TNN: variants seen among roughly 807,000 people sequenced by gnomAD.
TNN encodes tenascin-N.
A neutral mutation model predicts 134.4 loss-of-function variants in TNN; 122 were observed. That is an observed-to-expected ratio of 0.91 (90% CI 0.78 to 1.06). The LOEUF (loss-of-function observed/expected upper bound fraction) is 1.06. Among genes scored for constraint, TNN ranks in the 50% least tolerant of loss-of-function variants. The pLI is 0.00. For synonymous variants in TNN, 710 were observed against 670.3 expected, an observed-to-expected ratio of 1.06 and a Z score of -0.91; for missense variants, 1,739 against 1,699.4, an observed-to-expected ratio of 1.02 and a Z score of -0.41.
chr1:175,147,226 C>T lies in TNN; in HGVS notation c.*155C>T. 1.4e-6 allele frequency: 1 copy of T among 732,682 alleles called. No individual in the cohort carries two copies. Among genetic ancestry groups the T allele is most frequent in the Non-Finnish European group, 2.0e-6 (1 of 505,238 alleles). 45.4% of individuals were successfully genotyped at this position (732,682 alleles called of 1,614,324 possible). ...GCCATGGAGGTTCCTTCCCTCTCAC[C>T]TGCATTTTTGCCCGTCTTTATGAGG... On this transcript the variant is annotated 3_prime_UTR_variant, in exon 19 of 19. Transcript: ENST00000239462.
At chr1:175,085,184 G>A (rs981049324) in intron 5 of TNN, among the ~76,000 whole-genome samples, 1 of 152,224 alleles carries the variant, frequency 6.6e-6, no homozygotes, top group Non-Finnish European at 1.5e-5. Context: ...CTCATTTGCT[G>A]TGATGCCCTA....
chr1:175,099,223 A>G (rs117010710), intron 9 of TNN, among the ~76,000 whole-genome samples: 1 of 152,216 alleles, frequency 6.6e-6, no homozygotes, highest in East Asian at 1.9e-4. Context: ...TTTCTCTTGT[A>G]TTTTCTGCTG....
intron 5 of TNN, among the ~76,000 whole-genome samples, chr1:175,084,919 G>A (rs1294557907): frequency 6.6e-6 from 1 of 152,222 alleles, no homozygotes; most frequent in Non-Finnish European, 1.5e-5. Context: ...TTGAGCCCAG[G>A]AGGTTGAGGC....
chr1:175,079,798 T>G, intron 3 of TNN, 91 bp downstream of exon 3: 1 of 1,449,642 alleles, frequency 6.9e-7, no homozygotes, highest in South Asian at 1.4e-5. Context: ...TTTGGGGGTC[T>G]CTTCCTTTAG....
At chr1:175,144,206 A>G (rs1006446267) in intron 17 of TNN, among the ~76,000 whole-genome samples, 181 bp from the exon 18 acceptor site, 1 of 152,180 alleles carries the variant, frequency 6.6e-6, no homozygotes, top group African/African-American at 2.4e-5. Flanking sequence ...CAGGAAAGAC[A>G]GCTTGTTCCC....
At chr1:175,134,116 C>T (rs1390522007) in intron 15 of TNN, among the ~76,000 whole-genome samples, 1 of 152,228 alleles carries the variant, frequency 6.6e-6, no homozygotes, top group Non-Finnish European at 1.5e-5. Context: ...CTGAGACACA[C>T]TCTACCTTAA....
intron 4 of TNN, among the ~76,000 whole-genome samples, chr1:175,081,839 G>A (rs1368062837): frequency 1.3e-5 from 2 of 152,200 alleles, no homozygotes; most frequent in Non-Finnish European, 2.9e-5. Context: ...AGGAAGCAGG[G>A]ATTGGGTGCT....
At chr1:175,132,778 G>A (rs1675707093) in intron 15 of TNN, among the ~76,000 whole-genome samples, 1 of 152,336 alleles carries the variant, frequency 6.6e-6, no homozygotes, top group Admixed American at 6.5e-5. Context: ...GGAGCCTTCT[G>A]CATCCATGGT....
chr1:175,073,593 A>G (rs1334200847), intron 1 of TNN, among the ~76,000 whole-genome samples: 1 of 152,206 alleles, frequency 6.6e-6, no homozygotes, highest in Admixed American at 6.5e-5. Flanking sequence ...CCTGCAGAGA[A>G]GCTGGAGGGA....
intron 10 of TNN, 31 bp downstream of exon 10, chr1:175,117,236 A>G (rs761101111): frequency 1.9e-6 from 3 of 1,605,972 alleles, no homozygotes; most frequent in East Asian, 2.2e-5. Context: ...GGAATATAAG[A>G]GCTTTCATGC....
chr1:175,117,081 GGT>G lies in TNN; in HGVS notation c.2264_2265del (p.Val755GlyfsTer6). ...AGGACGGAGAGACCAGGGAGGTTCC[GGT>G]GGGGAAGGAGCAGAGTAGCACTGTC... ...AKDGETREVP[V>X]GKEQSSTVLT... On this transcript the variant is annotated frameshift_variant, in exon 10 of 19. Coordinates refer to ENST00000239462, the MANE Select transcript of TNN (RefSeq NM_022093.2). LOFTEE classifies it high-confidence loss of function. 3.7e-6 allele frequency: 6 copies of G among 1,614,250 alleles called. No individual in the cohort carries two copies. Among genetic ancestry groups the G allele is most frequent in the Non-Finnish European group, 5.1e-6 (6 of 1,180,038 alleles).
At position 175,098,561 on chromosome 1, in the gene TNN, G is replaced by A; in HGVS notation, c.2085G>A (p.Gln695=). The A allele has an allele frequency of 6.2e-7, 1 of 1,614,176 alleles. No individual in the cohort carries two copies. Among genetic ancestry groups the A allele is most frequent in the South Asian group, 1.1e-5 (1 of 91,076 alleles). Residue 695 remains glutamine, a synonymous_variant, in exon 9 of 19, where the codon CAG becomes CAA. Transcript: ENST00000239462. ...MVHVWAQKGD[Q]ESKKADTKAQ... ...ACGTGTGGGCCCAGAAGGGGGACCA[G>A]GAGAGCAAGAAGGCCGACACCAAGG...
chr1:175,143,518 G>GGTGTGTGTGTGTGTGTGTGT (rs149081442), intron 17 of TNN, among the ~76,000 whole-genome samples: 3 of 148,642 alleles, frequency 2.0e-5, no homozygotes, highest in Non-Finnish European at 4.5e-5. Flanking sequence ...TTTGTGTGTA[G>GGTGTGTGTGTGTGTGTGTGT]GTGTGTGTGT....
At chr1:175,090,757 C>T (rs1674426331) in intron 6 of TNN, among the ~76,000 whole-genome samples, 1 of 152,170 alleles carries the variant, frequency 6.6e-6, no homozygotes, top group Middle Eastern at 3.2e-3. Context: ...CAAATTAGAT[C>T]TCTTTGAAGT....
chr1:175,075,564 G>C (rs2149425570), intron 1 of TNN, among the ~76,000 whole-genome samples: 1 of 152,152 alleles, frequency 6.6e-6, no homozygotes, highest in East Asian at 1.9e-4. Context: ...CCAAAGTGTT[G>C]GGATTACAGA....
chr1:175,079,208 A>G, intron 2 of TNN, 125 bp from the exon 3 acceptor site: 1 of 1,190,650 alleles, frequency 8.4e-7, no homozygotes, highest in Non-Finnish European at 1.1e-6. Flanking sequence ...TGCAAGACCC[A>G]GAAATCACCA....
chr1:175,086,373 G>A (rs759625974), intron 6 of TNN, among the ~76,000 whole-genome samples: 3 of 152,186 alleles, frequency 2.0e-5, no homozygotes, highest in East Asian at 1.9e-4. Flanking sequence ...GGAAAACATG[G>A]TAGGCATACA....
Position 175,145,549 on chromosome 1 carries a change from T to C in TNN, c.3759+999T>C, listed in dbSNP as rs1216365432. Among the ~76,000 whole-genome samples, 4 of 5,966 alleles carry C rather than the reference T, an allele frequency of 6.7e-4. No individual in the cohort carries two copies. In the Admixed American group the frequency reaches 0.01, roughly 15 times the overall value. The allele number at this position is 5,966 out of a possible 152,430, so 3.9% of individuals were successfully genotyped here. A position where few individuals can be genotyped will look rare whatever the true frequency, so the allele number is the denominator to read the frequency against. On this transcript the variant is annotated intron_variant, in intron 18 of 18. Coordinates refer to ENST00000239462, the MANE Select transcript of TNN (RefSeq NM_022093.2). ...GCCTGGGTGGCAGAGCAAGACCCTGTCTCAAAAAAAAAAAAAAAAAAAAAA... is the reference window on the plus strand; with the variant it reads ...GCCTGGGTGGCAGAGCAAGACCCTGCCTCAAAAAAAAAAAAAAAAAAAAAA...
intron 9 of TNN, among the ~76,000 whole-genome samples, chr1:175,101,463 C>T (rs1369588597): frequency 1.3e-5 from 2 of 149,910 alleles, no homozygotes; most frequent in African/African-American, 4.9e-5. Context: ...ACAAAGCTTC[C>T]ACAGTGTGGA....
Sources: gnomAD v4.1 joint callset for allele counts (sites outside exome capture counted in the v4.1 genomes callset) on GRCh38, gnomAD v4.1.1 for gene constraint, MANE v1.5 for transcripts, NCBI Gene and HGNC (gene_info 2026-07-23, HGNC 2026-07-21) for gene names.